Variants in CACNG3 observed in about 807,000 individuals in gnomAD.
CACNG3 encodes voltage-dependent calcium channel gamma-3 subunit.
CACNG3 carries 3 observed loss-of-function variants against 28.5 expected under a neutral mutation model. The ratio of observed to expected loss-of-function variants is 0.11; its 90% CI spans 0.05 to 0.27. The LOEUF (loss-of-function observed/expected upper bound fraction) is 0.27, where lower values mean the gene tolerates loss of function less well. Among genes scored for constraint, CACNG3 ranks in the 10% least tolerant of loss-of-function variants. CACNG3 has a pLI of 1.00. For synonymous variants in CACNG3, 174 were observed against 162.2 expected, an observed-to-expected ratio of 1.07 and a Z score of -0.55; for missense variants, 236 against 414.4, an observed-to-expected ratio of 0.57 and a Z score of 3.74.
At chr16:24,353,840 G>A (rs114597184) in intron 2 of CACNG3, among the ~76,000 whole-genome samples, 143 of 152,290 alleles carry the variant, frequency 9.4e-4, no homozygotes, top group African/African-American at 3.3e-3. Context: ...TGGTCTGATG[G>A]GAGTCCCTGT....
chr16:24,355,031 A>G (rs879239578), intron 3 of CACNG3, 58 bp downstream of exon 3: 2 of 1,545,884 alleles, frequency 1.3e-6, no homozygotes, highest in South Asian at 2.3e-5. Context: ...AGCCAGGGCC[A>G]CATGGAGGAA....
chr16:24,289,294 A>G (rs1898934560), intron 1 of CACNG3, among the ~76,000 whole-genome samples: 1 of 151,830 alleles, frequency 6.6e-6, no homozygotes, highest in Admixed American at 6.6e-5. Flanking sequence ...TTTGGCAAGA[A>G]TCTGCAAAAG....
rs60301738 is a variant in CACNG3, at chr16:24,302,635, T to TTTTTGTTTTGTTTTG, written c.212-44071_212-44057dup. Among the ~76,000 whole-genome samples, 145 of 148,770 alleles carry TTTTTGTTTTGTTTTG rather than the reference T, an allele frequency of 9.7e-4. 1 individual carries two copies. The highest frequency in any genetic ancestry group is 3.2e-3 in the African/African-American group (130 of 40,038). ...ATGCCCAGCTAAATTTTTTTGTTTG[T>TTTTTGTTTTGTTTTG]TTTTGTTTTGTTTTGTTTTGTTTTG... On this transcript the variant is annotated intron_variant, in intron 1 of 3. Transcript: ENST00000005284.
At chr16:24,300,635 AC>A (rs1484979707) in intron 1 of CACNG3, among the ~76,000 whole-genome samples, 19 of 146,984 alleles carry the variant, frequency 1.3e-4, no homozygotes, top group African/African-American at 4.3e-4. Flanking sequence ...AAAAAAAAAA[AC>A]CATAGACTGA....
intron 1 of CACNG3, among the ~76,000 whole-genome samples, chr16:24,285,358 C>G (rs1898879073): frequency 6.6e-6 from 1 of 152,140 alleles, no homozygotes; most frequent in South Asian, 2.1e-4. Flanking sequence ...TTTACTGCAC[C>G]TAGTGAGACT....
chr16:24,354,762 C>T lies in CACNG3; in HGVS notation c.296-71C>T, dbSNP rs1483818973. 42 of 1,515,434 alleles carry T rather than the reference C, an allele frequency of 2.8e-5. No individual in the cohort carries two copies. The East Asian group carries it at 5.7e-4, about 20-fold the overall frequency. 93.9% of individuals were successfully genotyped at this position (1,515,434 alleles called of 1,614,324 possible). On this transcript the variant is annotated intron_variant, in intron 2 of 3. Coordinates refer to ENST00000005284, the MANE Select transcript of CACNG3 (RefSeq NM_006539.4). ...TGTGCTGCCTTCCTCTCAGGCACTC[C>T]TGCGCTTGCAATGGGAGGACCCCAG...
intron 1 of CACNG3, among the ~76,000 whole-genome samples, chr16:24,336,029 G>C (rs1010306978): frequency 1.3e-5 from 2 of 151,892 alleles, no homozygotes; most frequent in African/African-American, 2.4e-5. Flanking sequence ...TAGAAAAGGG[G>C]AAACTGAGTC....
rs1009929812 is a variant in CACNG3, at chr16:24,301,970, T to G, written c.212-44764T>G. On this transcript the variant is annotated intron_variant, in intron 1 of 3. Transcript: ENST00000005284. Reference sequence around the variant, plus strand: ...GAAAATTATGACTTGGCTAAGTGATTCATCCTGGGATAGTTCTGAGTATTT... The same window carrying G: ...GAAAATTATGACTTGGCTAAGTGATGCATCCTGGGATAGTTCTGAGTATTT... Among the ~76,000 whole-genome samples, 36 of 152,326 alleles carry G rather than the reference T, an allele frequency of 2.4e-4. No homozygotes were observed. The Middle Eastern group carries it at 0.017, about 72-fold the overall frequency.
intron 1 of CACNG3, among the ~76,000 whole-genome samples, chr16:24,345,015 G>A (rs1338370120): frequency 6.6e-6 from 1 of 152,104 alleles, no homozygotes; most frequent in Non-Finnish European, 1.5e-5. Context: ...CTACCTCCTG[G>A]GGTGGTAAAC....
chr16:24,327,444 A>AG (rs1899569057), intron 1 of CACNG3, among the ~76,000 whole-genome samples: 1 of 104,340 alleles, frequency 9.6e-6, no homozygotes, highest in East Asian at 3.3e-4. Flanking sequence ...GTGTGTATAT[A>AG]TATATATATA....
At chr16:24,272,491 A>G (rs1453471813) in intron 1 of CACNG3, among the ~76,000 whole-genome samples, 1 of 152,120 alleles carries the variant, frequency 6.6e-6, no homozygotes, top group Non-Finnish European at 1.5e-5. Context: ...AATTTATTAG[A>G]CATTTAATCA....
At position 24,361,407 on chromosome 16, in the gene CACNG3, C is replaced by T. The variant is rs531052899; in HGVS notation, c.492C>T (p.Pro164=). 7.4e-6 allele frequency: 12 copies of T among 1,613,482 alleles called. No individual in the cohort carries two copies. The Admixed American group carries it at 1.0e-4, about 13-fold the overall frequency. The change falls in exon 4 of 4, where the codon CCC becomes CCT. Residue 164 remains proline (P), a synonymous_variant. Transcript: ENST00000005284. This position sits in a 1 kb window ranked among gnomAD's most constrained non-coding sequence, Gnocchi z 6.8. ...ATATATCAGCCAACGCCGGAGACCC[C>T]GGGCAGCGTGACTCCAAAAAAAGTT... ...IVYISANAGD[P]GQRDSKKSYS...
intron 2 of CACNG3, among the ~76,000 whole-genome samples, chr16:24,351,280 G>T (rs1429473213): frequency 3.3e-5 from 5 of 151,952 alleles, no homozygotes; most frequent in Non-Finnish European, 5.9e-5. Context: ...AGAAAATTGG[G>T]CCAGTTTCAG....
intron 1 of CACNG3, among the ~76,000 whole-genome samples, chr16:24,325,415 C>G (rs898681612): frequency 6.6e-6 from 1 of 152,226 alleles, no homozygotes; most frequent in Non-Finnish European, 1.5e-5. Context: ...TTAGCCCACT[C>G]TATTCTCCCA....
chr16:24,259,032 G>A (rs1043689654), intron 1 of CACNG3, among the ~76,000 whole-genome samples: 18 of 152,320 alleles, frequency 1.2e-4, no homozygotes, highest in Middle Eastern at 3.4e-3. Flanking sequence ...CCCCAGCCAG[G>A]CATTCTGTAG....
chr16:24,308,263 G>A (rs1409967487), intron 1 of CACNG3, among the ~76,000 whole-genome samples: 1 of 152,142 alleles, frequency 6.6e-6, no homozygotes, highest in Admixed American at 6.5e-5. Flanking sequence ...ATATCATCAA[G>A]GAAAGCTGTC....
intron 2 of CACNG3, among the ~76,000 whole-genome samples, chr16:24,354,430 G>A (rs1261541524): frequency 6.6e-6 from 1 of 152,006 alleles, no homozygotes; most frequent in African/African-American, 2.4e-5. Flanking sequence ...TAGTCGCTGG[G>A]CTGAGGAGGG....
intron 1 of CACNG3, among the ~76,000 whole-genome samples, chr16:24,325,838 GGTGAGGACTCTCAGTTT>G (rs999776233): frequency 2.6e-5 from 4 of 152,214 alleles, no homozygotes; most frequent in African/African-American, 9.7e-5. Flanking sequence ...GTTCCAAACA[GGTGAGGACTCTCAGTTT>G]GTGAGGACTC....
chr16:24,360,429 C>A (rs1328148885), intron 3 of CACNG3, among the ~76,000 whole-genome samples: 1 of 152,170 alleles, frequency 6.6e-6, no homozygotes, highest in African/African-American at 2.4e-5. Context: ...CAAGCCTCGC[C>A]CGTTGGAGGT....
Sources: allele counts gnomAD v4.1 joint callset (sites outside exome capture counted in the v4.1 genomes callset), GRCh38; gene constraint gnomAD v4.1.1; non-coding constraint Gnocchi (gnomAD v3.1); transcripts MANE v1.5; gene names NCBI Gene and HGNC (gene_info 2026-07-23, HGNC 2026-07-21).